PIAS4: variants seen among roughly 807,000 people sequenced by gnomAD.
The protein encoded by PIAS4 is E3 SUMO-protein ligase PIAS4.
In PIAS4, 7 loss-of-function variants were observed where a neutral mutation model predicts 58.0. The observed-to-expected ratio is 0.12, with a 90% CI of 0.07 to 0.23. The LOEUF (loss-of-function observed/expected upper bound fraction) is 0.23, where lower values mean the gene tolerates loss of function less well. PIAS4 is among the 10% of genes least tolerant of loss of function. PIAS4 has a pLI of 1.00. For missense variants in PIAS4, 550 were observed against 709.5 expected, an observed-to-expected ratio of 0.78 and a Z score of 2.55; for synonymous variants, 364 against 312.4, an observed-to-expected ratio of 1.17 and a Z score of -1.74.
rs1327485717 is a variant in PIAS4 at position 4,028,132 on chromosome 19, C to T, written c.540-14C>T. On this transcript the variant is annotated splice_polypyrimidine_tract_variant and intron_variant, in intron 3 of 10. Transcript: ENST00000262971. ...CTCTCCTTTCCTTTCCTCTGGTTTG[C>T]TCCACACCCACAGGGAACTGCAGCC... The T allele has an allele frequency of 6.2e-7, 1 of 1,613,510 alleles. No homozygotes were observed. The highest frequency in any genetic ancestry group is 8.5e-7 in the Non-Finnish European group (1 of 1,179,860).
chr19:4,030,143 C>T (rs1412017210), intron 7 of PIAS4, among the ~76,000 whole-genome samples: 3 of 147,438 alleles, frequency 2.0e-5, no homozygotes, highest in East Asian at 2.1e-4. Context: ...TTTAATGTTT[C>T]GTAGAGATGG....
At chr19:4,017,996 G>A (rs996387443) in intron 2 of PIAS4, among the ~76,000 whole-genome samples, 2 of 152,090 alleles carry the variant, frequency 1.3e-5, no homozygotes, top group Non-Finnish European at 1.5e-5. Flanking sequence ...ATTTTTAATG[G>A]AGACGGGGTT....
chr19:4,032,973 A>C, intron 7 of PIAS4, 127 bp from the exon 8 acceptor site: 1 of 728,398 alleles, frequency 1.4e-6, no homozygotes, highest in African/African-American at 1.8e-5. Flanking sequence ...CACACAGCGA[A>C]GCTTGGGACT....
rs1464600039 is a variant in PIAS4, at chr19:4,029,011, G to A, written c.882G>A (p.Lys294=). ...AGAGGCTGAAGACCATTGGGGTAAA[G>A]CACCCGGAGCTGTGCAAGGCACTGG... ...LLQRLKTIGV[K]HPELCKALVK... is the part of the protein sequence containing the mutation. Residue 294 remains lysine (K), a synonymous_variant, in exon 7 of 11, where the codon AAG becomes AAA. Coordinates refer to ENST00000262971, the MANE Select transcript of PIAS4 (RefSeq NM_015897.4). 3.7e-6 allele frequency: 6 copies of A among 1,607,728 alleles called. No individual in the cohort carries two copies. Among genetic ancestry groups the A allele is most frequent in the Non-Finnish European group, 4.2e-6 (5 of 1,177,516 alleles).
At chr19:4,028,240 C>T in intron 4 of PIAS4, 53 bp downstream of exon 4, 3 of 1,484,016 alleles carry the variant, frequency 2.0e-6, no homozygotes, top group Non-Finnish European at 2.8e-6. Context: ...CCACCCGCCC[C>T]TCCCCGCCCC....
intron 1 of PIAS4, among the ~76,000 whole-genome samples, chr19:4,009,173 G>C (rs2039970073): frequency 6.6e-6 from 1 of 151,752 alleles, no homozygotes; most frequent in South Asian, 2.1e-4. Context: ...CCCTCCCCAC[G>C]GTCCTGACCT....
chr19:4,032,178 G>A (rs1488404252), intron 7 of PIAS4, among the ~76,000 whole-genome samples: 1 of 152,162 alleles, frequency 6.6e-6, no homozygotes, highest in Non-Finnish European at 1.5e-5. Flanking sequence ...GGCATTTCCA[G>A]GCGGAGGAAC....
Position 4,037,293 on chromosome 19 carries a change from C to T in PIAS4, c.1143-81C>T, listed in dbSNP as rs2040308447. The T allele has an allele frequency of 6.7e-7, 1 of 1,502,734 alleles. No homozygotes were observed. The allele number at this position is 1,502,734 out of a possible 1,614,324, so 93.1% of individuals were successfully genotyped here. A position where few individuals can be genotyped will look rare whatever the true frequency, so the allele number is the denominator to read the frequency against. Reference sequence around the variant, plus strand: ...GAGAGAAGTGGGGAGTGCCTGGCTGCATCCGGGAGGGATGGAGGGCTGGGG... The same window carrying T: ...GAGAGAAGTGGGGAGTGCCTGGCTGTATCCGGGAGGGATGGAGGGCTGGGG... On this transcript the variant is annotated intron_variant, in intron 9 of 10. Transcript: ENST00000262971. The surrounding 1 kb of genome is among the most constrained non-coding windows in gnomAD (Gnocchi z 5.8).
At position 4,037,264 on chromosome 19, in the gene PIAS4, T is replaced by TG. The variant is rs1198013789; in HGVS notation, c.1143-109dup. The TG allele has an allele frequency of 7.3e-7, 1 of 1,370,592 alleles. No individual in the cohort carries two copies. The highest frequency in any genetic ancestry group is 1.6e-5 in the African/African-American group (1 of 63,400). The allele number at this position is 1,370,592 out of a possible 1,614,324, so 84.9% of individuals were successfully genotyped here. A position where few individuals can be genotyped will look rare whatever the true frequency, so the allele number is the denominator to read the frequency against. On this transcript the variant is annotated intron_variant, in intron 9 of 10. Coordinates refer to ENST00000262971, the MANE Select transcript of PIAS4 (RefSeq NM_015897.4). This position sits in a 1 kb window ranked among gnomAD's most constrained non-coding sequence, Gnocchi z 5.8. ...GCGGTCGGGGTGGTGAGGCTGCTCT[T>TG]GCAGAGAGAAGTGGGGAGTGCCTGG...
At chr19:4,023,385 G>A (rs576067942) in intron 2 of PIAS4, among the ~76,000 whole-genome samples, 40 of 151,842 alleles carry the variant, frequency 2.6e-4, no homozygotes, top group African/African-American at 9.2e-4. Context: ...GCTTAAACCC[G>A]GGAGACGGAG....
At chr19:4,025,019 C>T (rs2040148552) in intron 3 of PIAS4, among the ~76,000 whole-genome samples, 1 of 152,248 alleles carries the variant, frequency 6.6e-6, no homozygotes, top group South Asian at 2.1e-4. Context: ...CCACCTCAGC[C>T]TCCCAGAATG....
intron 9 of PIAS4, among the ~76,000 whole-genome samples, chr19:4,036,377 CAT>C (rs1422598724): frequency 7.6e-6 from 1 of 131,078 alleles, no homozygotes; most frequent in African/African-American, 2.6e-5. Context: ...TCCACACCGT[CAT>C]ACACACACAC....
chr19:4,009,505 G>T (rs1599212130), intron 1 of PIAS4, among the ~76,000 whole-genome samples: 1 of 152,134 alleles, frequency 6.6e-6, no homozygotes, highest in South Asian at 2.1e-4. Context: ...GCACTCTTTT[G>T]TACCATCCAG....
chr19:4,035,489 A>G (rs866054396), intron 9 of PIAS4, among the ~76,000 whole-genome samples: 12 of 152,164 alleles, frequency 7.9e-5, no homozygotes, highest in Middle Eastern at 6.8e-3. Context: ...CTGTTTCTGC[A>G]TTTGTAAAAT....
Position 4,037,332 on chromosome 19 carries a change from G to A in PIAS4, c.1143-42G>A, listed in dbSNP as rs777534136. 4.5e-6 allele frequency: 7 copies of A among 1,569,700 alleles called. No homozygotes were observed. The highest frequency in any genetic ancestry group is 1.2e-5 in the South Asian group (1 of 86,104). ...GGAGGGCTGGGGAGTTGGGGGGGTG[G>A]GGCACCTCCAGCCCCGGCGTCAGCT... On this transcript the variant is annotated intron_variant, in intron 9 of 10. Transcript: ENST00000262971. The surrounding 1 kb of genome is among the most constrained non-coding windows in gnomAD (Gnocchi z 5.8).
intron 7 of PIAS4, among the ~76,000 whole-genome samples, chr19:4,029,429 T>C (rs1190509816): frequency 6.6e-6 from 1 of 152,062 alleles, no homozygotes; most frequent in African/African-American, 2.4e-5. Flanking sequence ...GGGCCGAGGG[T>C]GCTGCGGGAC....
In PIAS4 at chr19:4,024,001, A is replaced by G; in HGVS notation, c.455-35A>G. 3 of 1,439,688 alleles carry G rather than the reference A, an allele frequency of 2.1e-6. No individual in the cohort carries two copies. The South Asian group carries it at 3.4e-5, about 16-fold the overall frequency. The allele number at this position is 1,439,688 out of a possible 1,614,324, so 89.2% of individuals were successfully genotyped here. ...ACTGGGCTCGGGGGACCTGCCAGGG[A>G]CCAGACATGCCCCTGACCCCGTGTT... is the stretch of plus-strand genomic sequence containing the variant. On this transcript the variant is annotated intron_variant, in intron 2 of 10. Transcript: ENST00000262971.
At chr19:4,009,589 A>G (rs1355160458) in intron 1 of PIAS4, among the ~76,000 whole-genome samples, 1 of 151,620 alleles carries the variant, frequency 6.6e-6, no homozygotes, top group East Asian at 1.9e-4. Flanking sequence ...AATTAAATCA[A>G]GTTGACCCTT....
intron 1 of PIAS4, among the ~76,000 whole-genome samples, chr19:4,009,762 C>A (rs1157593947): frequency 6.6e-6 from 1 of 152,162 alleles, no homozygotes; most frequent in Non-Finnish European, 1.5e-5. Flanking sequence ...TTCATGGCTG[C>A]AGATTCTGTC....
Sources: allele counts gnomAD v4.1 joint callset (sites outside exome capture counted in the v4.1 genomes callset), GRCh38; gene constraint gnomAD v4.1.1; non-coding constraint Gnocchi (gnomAD v3.1); transcripts MANE v1.5; gene names NCBI Gene and HGNC (gene_info 2026-07-23, HGNC 2026-07-21).